Variants in ABCG1 observed in about 807,000 individuals in gnomAD.
ABCG1 encodes the protein ATP binding cassette subfamily G member 1, also known as ATP-binding cassette sub-family G member 1.
A neutral mutation model predicts 69.2 loss-of-function variants in ABCG1; 29 were observed. The ratio of observed to expected loss-of-function variants is 0.42; its 90% CI spans 0.31 to 0.57. ABCG1 has a LOEUF of 0.57. Among genes scored for constraint, ABCG1 ranks in the 20% least tolerant of loss-of-function variants. The pLI is 0.15. For missense variants in ABCG1, 718 were observed against 898.1 expected, an observed-to-expected ratio of 0.80 and a Z score of 2.56; for synonymous variants, 370 against 374.8, an observed-to-expected ratio of 0.99 and a Z score of 0.15.
chr21:42,206,379 TAAATAAAC>T (rs1332698246), intron 2 of ABCG1, among the ~76,000 whole-genome samples: 2,149 of 147,306 alleles, frequency 0.015, 54 homozygotes, highest in African/African-American at 0.05. Context: ...AATAAATAAA[TAAATAAAC>T]AAACAAACAA....
chr21:42,225,877 C>T lies in ABCG1; in HGVS notation c.249C>T (p.Ser83=), dbSNP rs746713538. The change falls in exon 2 of 15, where the codon TCC becomes TCT. Residue 83 remains serine, a synonymous_variant. Coordinates refer to ENST00000398449, the MANE Select transcript of ABCG1 (RefSeq NM_016818.3). ...TGAACATTGAATTCAGGGACCTTTC[C>T]TATTCGGTTCCTGAAGGACCCTGGT... ...AAVNIEFRDL[S]YSVPEGPWWR... The T allele has an allele frequency of 3.1e-6, 5 of 1,613,616 alleles. No homozygotes were observed. The highest frequency in any genetic ancestry group is 8.5e-7 in the Non-Finnish European group (1 of 1,179,990).
chr21:42,278,161 T>C (rs2068743001), intron 5 of ABCG1, among the ~76,000 whole-genome samples: 1 of 152,046 alleles, frequency 6.6e-6, no homozygotes, highest in Admixed American at 6.5e-5. Context: ...AGAGAGAAAA[T>C]GTGGAAATCA....
chr21:42,212,559 C>T (rs561589610), upstream of ABCG1, among the ~76,000 whole-genome samples: 9 of 152,276 alleles, frequency 5.9e-5, no homozygotes, highest in South Asian at 1.9e-3. Context: ...TTTGTGTCCT[C>T]ATGTTCTGTG....
Position 42,220,415 on chromosome 21 carries a change from T to G in ABCG1, c.42+1111T>G, listed in dbSNP as rs141520900. The stretch of plus-strand genomic sequence containing the variant: ...CCGACAGTTACCTCTTGCCTTGAGC[T>G]CAAGAGAAAAAAAAAAAATAGCCAG... On this transcript the variant is annotated intron_variant, in intron 1 of 14. Coordinates refer to ENST00000398449, the MANE Select transcript of ABCG1 (RefSeq NM_016818.3). 6.1e-3 allele frequency among the ~76,000 whole-genome samples: 912 copies of G among 150,420 alleles called. 11 individuals carry two copies. Among genetic ancestry groups the G allele is most frequent in the African/African-American group, 0.021 (862 of 40,422 alleles).
chr21:42,262,470 C>A (rs1436451302), intron 2 of ABCG1, among the ~76,000 whole-genome samples: 1 of 152,210 alleles, frequency 6.6e-6, no homozygotes, highest in African/African-American at 2.4e-5. Flanking sequence ...GTATTCTTAG[C>A]CTTAGGTGAC....
At chr21:42,274,924 G>A (rs2068683779) in intron 4 of ABCG1, among the ~76,000 whole-genome samples, 1 of 152,136 alleles carries the variant, frequency 6.6e-6, no homozygotes, top group Admixed American at 6.5e-5. Flanking sequence ...GGCTTTATGT[G>A]GGGGACTGTT....
At chr21:42,255,869 T>A (rs1467575920) in intron 2 of ABCG1, among the ~76,000 whole-genome samples, 2 of 152,232 alleles carry the variant, frequency 1.3e-5, no homozygotes, top group African/African-American at 4.8e-5. Flanking sequence ...TTCTCCTTCT[T>A]AACTGGTGAG....
intron 2 of ABCG1, among the ~76,000 whole-genome samples, chr21:42,238,367 C>T (rs1292427860): frequency 6.6e-6 from 1 of 152,210 alleles, no homozygotes; most frequent in Non-Finnish European, 1.5e-5. Context: ...AGACAGGCTA[C>T]ATGCTCCCTG....
chr21:42,224,890 A>G (rs2067789541), intron 1 of ABCG1, among the ~76,000 whole-genome samples: 1 of 151,876 alleles, frequency 6.6e-6, no homozygotes, highest in African/African-American at 2.4e-5. Flanking sequence ...TTAAAAGCCA[A>G]TGGTAGCTAC....
At chr21:42,260,276 C>T (rs2068384447) in intron 2 of ABCG1, 3 of 1,468,318 alleles carry the variant, frequency 2.0e-6, no homozygotes, top group East Asian at 2.5e-5. Flanking sequence ...ACCACGGAGC[C>T]GAATGGTGGC....
intron 2 of ABCG1, among the ~76,000 whole-genome samples, chr21:42,268,362 G>GTGT (rs1555957895): frequency 2.0e-5 from 3 of 147,602 alleles, no homozygotes; most frequent in Non-Finnish European, 4.5e-5. Flanking sequence ...TAGAGGTAGG[G>GTGT]GTGTGTGTGT....
chr21:42,262,993 A>G (rs1283310381), intron 2 of ABCG1, among the ~76,000 whole-genome samples: 1 of 152,156 alleles, frequency 6.6e-6, no homozygotes, highest in African/African-American at 2.4e-5. Flanking sequence ...ACATTTCTAC[A>G]GAGTGAGGAA....
At chr21:42,223,171 C>A (rs959313059) in intron 1 of ABCG1, among the ~76,000 whole-genome samples, 3 of 152,196 alleles carry the variant, frequency 2.0e-5, no homozygotes, top group African/African-American at 7.2e-5. Context: ...CACGCTCCAG[C>A]CCCTGCGTTT....
At chr21:42,240,072 G>T (rs527333387) in intron 2 of ABCG1, among the ~76,000 whole-genome samples, 1 of 152,240 alleles carries the variant, frequency 6.6e-6, no homozygotes, top group South Asian at 2.1e-4. Context: ...ACTGGAGAAC[G>T]CTGTGTGTGC....
At chr21:42,200,887 C>T (rs1431680336) in intron 1 of ABCG1, among the ~76,000 whole-genome samples, 1 of 152,102 alleles carries the variant, frequency 6.6e-6, no homozygotes, top group Non-Finnish European at 1.5e-5. Context: ...CCACGCCTGG[C>T]CTACTGTGTT....
chr21:42,278,621 T>G (rs1438585386), intron 5 of ABCG1, among the ~76,000 whole-genome samples: 1 of 152,194 alleles, frequency 6.6e-6, no homozygotes, highest in Non-Finnish European at 1.5e-5. Context: ...CCAACCCTGC[T>G]GCCCTCGATC....
Position 42,288,311 on chromosome 21 carries a change from C to T in ABCG1, c.1223C>T (p.Ser408Leu), listed in dbSNP as rs756708334. The T allele has an allele frequency of 6.9e-6, 11 of 1,589,854 alleles. No homozygotes were observed. The highest frequency in any genetic ancestry group is 3.5e-5 in the Admixed American group (2 of 57,888). The stretch of plus-strand genomic sequence containing the variant: ...ACCTTCCTCAGCATCATGAGGGACT[C>T]GGTAAGGCTGCCCGCATCTTCTCCT... ...KRTFLSIMRDSVLTHLRITSH... is the reference protein window; with the variant it reads ...KRTFLSIMRDLVLTHLRITSH... The change falls in exon 10 of 15, where the codon TCG (serine) becomes TTG (leucine). Residue 408 changes from serine to leucine, a missense_variant and splice_region_variant. Ser to Leu is a moderately radical substitution (Grantham distance 145). Transcript: ENST00000398449. This position sits in a 1 kb window ranked among gnomAD's most constrained non-coding sequence, Gnocchi z 4.8.
chr21:42,247,021 G>A (rs2068143767), intron 2 of ABCG1, among the ~76,000 whole-genome samples: 3 of 151,776 alleles, frequency 2.0e-5, no homozygotes, highest in South Asian at 4.2e-4. Flanking sequence ...CAAGTTAGAC[G>A]TGACTGTCTA....
At chr21:42,209,995 A>G (rs991057642) in intron 2 of ABCG1, among the ~76,000 whole-genome samples, 2 of 152,106 alleles carry the variant, frequency 1.3e-5, no homozygotes, top group Non-Finnish European at 1.5e-5. Context: ...TGAACTCGGG[A>G]GGGCAGGATG....
Sources: gnomAD v4.1 joint callset for allele counts (sites outside exome capture counted in the v4.1 genomes callset) on GRCh38, gnomAD v4.1.1 for gene constraint, Gnocchi (gnomAD v3.1) non-coding constraint, MANE v1.5 for transcripts, NCBI Gene and HGNC (gene_info 2026-07-23, HGNC 2026-07-21) for gene names.